HS3ST1: variants seen among roughly 807,000 people sequenced by gnomAD.
HS3ST1 encodes the protein heparan sulfate-glucosamine 3-sulfotransferase 1, also known as heparan sulfate glucosamine 3-O-sulfotransferase 1.
Under a neutral mutation model 20.7 loss-of-function variants are expected in HS3ST1, and 8 were observed. The observed-to-expected ratio is 0.39, with a 90% confidence interval of 0.23 to 0.70. HS3ST1 has a LOEUF of 0.70. Among genes scored for constraint, HS3ST1 ranks in the 30% least tolerant of loss-of-function variants. The probability of loss-of-function intolerance (pLI) is 0.46; values close to 1 mark genes in which losing one functional copy is unlikely to be tolerated. For synonymous variants in HS3ST1, 205 were observed against 190.4 expected (o/e 1.08, Z -0.63); for missense variants, 436 against 423.4 (o/e 1.03, Z -0.26).
intron 1 of HS3ST1, among the ~76,000 whole-genome samples, chr4:11,425,345 C>T (rs1386472784): frequency 6.6e-6 from 1 of 152,116 alleles, no homozygotes; most frequent in African/African-American, 2.4e-5. Context: ...GAGTCACTCC[C>T]CATTTGTGAC....
chr4:11,429,642 G>GTTTTTTTTTT (rs1719163012), upstream of HS3ST1: 1 of 26,326 alleles, frequency 3.8e-5, no homozygotes, highest in African/African-American at 1.3e-4. Flanking sequence ...GGAAAATTCA[G>GTTTTTTTTTT]CTTTTTTTTT....
chr4:11,398,894 G>T lies in HS3ST1; in HGVS notation c.*188C>A. 1.9e-6 allele frequency: 1 copy of T among 516,260 alleles called. No individual in the cohort carries two copies. The highest frequency in any genetic ancestry group is 3.2e-5 in the East Asian group (1 of 31,404). 32.0% of individuals were successfully genotyped at this position (516,260 alleles called of 1,614,324 possible). ...ACAACCATGAAAAACAATACAAAAT[G>T]CCCTCCATTTAACAAGTAGAAAAAT... On this transcript the variant is annotated 3_prime_UTR_variant, in exon 2 of 2. Transcript: ENST00000002596.
upstream of HS3ST1, among the ~76,000 whole-genome samples, chr4:11,433,737 A>T (rs897820146): frequency 1.3e-5 from 2 of 152,144 alleles, no homozygotes; most frequent in African/African-American, 4.8e-5. Context: ...TGTATTAGGT[A>T]CCTCCCATAT....
intron 1 of HS3ST1, among the ~76,000 whole-genome samples, chr4:11,418,927 C>G (rs1462298066): frequency 6.6e-6 from 1 of 152,100 alleles, no homozygotes; most frequent in Non-Finnish European, 1.5e-5. Flanking sequence ...CTATGTCTTT[C>G]CCTCAAGATC....
intron 1 of HS3ST1, among the ~76,000 whole-genome samples, chr4:11,419,792 C>T (rs1420173847): frequency 6.6e-6 from 1 of 152,058 alleles, no homozygotes; most frequent in Non-Finnish European, 1.5e-5. Flanking sequence ...GTTTGCAATC[C>T]AGAGGCCTTC....
At chr4:11,404,570 C>G (rs1302151863) in intron 1 of HS3ST1, among the ~76,000 whole-genome samples, 1 of 152,220 alleles carries the variant, frequency 6.6e-6, no homozygotes, top group Non-Finnish European at 1.5e-5. Context: ...GCAAGATTCT[C>G]TACGCACTCA....
chr4:11,399,022 C>G lies in HS3ST1; in HGVS notation c.*60G>C. On this transcript the variant is annotated 3_prime_UTR_variant, in exon 2 of 2. Coordinates refer to ENST00000002596, the MANE Select transcript of HS3ST1 (RefSeq NM_005114.4). This position sits in a 1 kb window ranked among gnomAD's most constrained non-coding sequence, Gnocchi z 5.1. ...TAAATGCTTTTTTAAAATTCTTTTT[C>G]CCCTCAGATGTACACCAGAACTTAC... 7.2e-7 allele frequency: 1 copy of G among 1,395,762 alleles called. No individual in the cohort carries two copies. Among genetic ancestry groups the G allele is most frequent in the Non-Finnish European group, 9.8e-7 (1 of 1,022,316 alleles). 86.5% of individuals were successfully genotyped at this position (1,395,762 alleles called of 1,614,324 possible).
chr4:11,402,640 C>A (rs946729255), intron 1 of HS3ST1, among the ~76,000 whole-genome samples: 1 of 152,112 alleles, frequency 6.6e-6, no homozygotes, highest in African/African-American at 2.4e-5. Context: ...TAACTACTAC[C>A]CTTTAGAGAG....
In HS3ST1 at chr4:11,399,986, C is replaced by A; in HGVS notation, c.20G>T (p.Gly7Val). Residue 7 changes from glycine to valine, a missense_variant, in exon 2 of 2, where the codon GGC (glycine) becomes GTC (valine). By Grantham distance (109) the Gly-to-Val change is moderately radical. Coordinates refer to ENST00000002596, the MANE Select transcript of HS3ST1 (RefSeq NM_005114.4). This position sits in a 1 kb window ranked among gnomAD's most constrained non-coding sequence, Gnocchi z 5.1. Reference sequence around the variant, plus strand: ...GGGCTGGGCCACCAGCAGCACCGCGCCCAGGAGCAGCGCGGCCATGCTGGA... The same window carrying A: ...GGGCTGGGCCACCAGCAGCACCGCGACCAGGAGCAGCGCGGCCATGCTGGA... MAALLL[G>V]AVLLVAQPQL... is the part of the protein sequence containing the mutation. 1 of 1,534,774 alleles carries A rather than the reference C, an allele frequency of 6.5e-7. No individual in the cohort carries two copies. Among genetic ancestry groups the A allele is most frequent in the Non-Finnish European group, 8.7e-7 (1 of 1,144,564 alleles).
chr4:11,405,343 T>C (rs1174919408), intron 1 of HS3ST1, among the ~76,000 whole-genome samples: 1 of 152,062 alleles, frequency 6.6e-6, no homozygotes, highest in East Asian at 1.9e-4. Flanking sequence ...CTTCCTCGAG[T>C]CCCACTGTGA....
rs569047002 is a variant in HS3ST1, at chr4:11,416,649, G to A, written c.-109+12050C>T. On this transcript the variant is annotated intron_variant, in intron 1 of 1. Coordinates refer to ENST00000002596, the MANE Select transcript of HS3ST1 (RefSeq NM_005114.4). ...CAGAAAGACGGAGCAGGTACTCTCC[G>A]GAGTAGTGCCAGTCACCAGGCTGGT... Among the ~76,000 whole-genome samples the A allele has an allele frequency of 7.2e-5, 11 of 152,304 alleles. No individual in the cohort carries two copies. The South Asian group carries it at 1.2e-3, about 17-fold the overall frequency.
At chr4:11,424,128 C>A (rs1719005371) in intron 1 of HS3ST1, among the ~76,000 whole-genome samples, 1 of 151,926 alleles carries the variant, frequency 6.6e-6, no homozygotes. Context: ...TGGGCTACAA[C>A]CCCCACTTAC....
intron 1 of HS3ST1, among the ~76,000 whole-genome samples, chr4:11,417,753 A>C (rs1052517837): frequency 6.6e-6 from 1 of 152,230 alleles, no homozygotes; most frequent in Admixed American, 6.5e-5. Context: ...AAAATGACAG[A>C]GCTGGGAAGG....
At chr4:11,400,144 A>G in intron 1 of HS3ST1, 31 bp from the exon 2 acceptor site, 1 of 1,416,416 alleles carries the variant, frequency 7.1e-7, no homozygotes. Context: ...ATATTAACAT[A>G]TAACAAATAC....
In HS3ST1 at chr4:11,393,286, A is replaced by G. The variant is rs1470260005; in HGVS notation, c.*5796T>C. 1.3e-5 allele frequency: 2 copies of G among 152,204 alleles called. No individual in the cohort carries two copies. The highest frequency in any genetic ancestry group is 6.5e-5 in the Admixed American group (1 of 15,278). The allele number at this position is 152,204 out of a possible 1,614,324, so 9.4% of individuals were successfully genotyped here. On this transcript the variant is annotated 3_prime_UTR_variant, in exon 2 of 2. Transcript: ENST00000002596. ...TTTAAGTTTGATATTGATGCATTAT[A>G]CTATTTTGGTAGTCCGATAAGCTAA...
chr4:11,398,899 C>A lies in HS3ST1; in HGVS notation c.*183G>T. ...CATGAAAAACAATACAAAATGCCCT[C>A]CATTTAACAAGTAGAAAAATATAAC... On this transcript the variant is annotated 3_prime_UTR_variant, in exon 2 of 2. Transcript: ENST00000002596. 1 of 540,080 alleles carries A rather than the reference C, an allele frequency of 1.9e-6. No individual in the cohort carries two copies. The highest frequency in any genetic ancestry group is 3.2e-5 in the South Asian group (1 of 31,414). The allele number at this position is 540,080 out of a possible 1,614,324, so 33.5% of individuals were successfully genotyped here.
chr4:11,414,978 C>T (rs1718734449), intron 1 of HS3ST1, among the ~76,000 whole-genome samples: 1 of 152,132 alleles, frequency 6.6e-6, no homozygotes, highest in Non-Finnish European at 1.5e-5. Context: ...TCCCAAGGAA[C>T]CCACTGTGTA....
intron 1 of HS3ST1, among the ~76,000 whole-genome samples, chr4:11,403,025 T>C (rs1222667318): frequency 6.6e-6 from 1 of 152,236 alleles, no homozygotes; most frequent in African/African-American, 2.4e-5. Flanking sequence ...TTCAAAAATA[T>C]TTGAGGCTAA....
intron 1 of HS3ST1, 83 bp downstream of exon 1, chr4:11,428,616 G>A (rs573195690): frequency 3.3e-5 from 5 of 152,662 alleles, no homozygotes; most frequent in Admixed American, 6.5e-5. Flanking sequence ...CTTGCCCGAA[G>A]TCCAGAACGC....
Sources: allele counts gnomAD v4.1 joint callset (sites outside exome capture counted in the v4.1 genomes callset), GRCh38; gene constraint gnomAD v4.1.1; non-coding constraint Gnocchi (gnomAD v3.1); transcripts MANE v1.5; gene names NCBI Gene and HGNC (gene_info 2026-07-23, HGNC 2026-07-21).